The following SYNPO2 variants were observed in gnomAD, a reference collection of about 807,000 sequenced individuals.
The protein encoded by SYNPO2 is synaptopodin-2.
Under a neutral mutation model 85.0 loss-of-function variants are expected in SYNPO2, and 56 were observed. The ratio of observed to expected loss-of-function variants is 0.66; its 90% confidence interval spans 0.53 to 0.82. The LOEUF is 0.82. Ranked by LOEUF, SYNPO2 falls within the 40% of genes least tolerant of loss-of-function variation. The pLI is 0.00. For synonymous variants in SYNPO2, 602 were observed against 591.1 expected, an observed-to-expected ratio of 1.02 and a Z score of -0.27; for missense variants, 1,575 against 1,534.2, an observed-to-expected ratio of 1.03 and a Z score of -0.44.
chr4:118,906,352 C>A (rs1732937910), intron 1 of SYNPO2, among the ~76,000 whole-genome samples: 1 of 152,148 alleles, frequency 6.6e-6, no homozygotes, highest in Non-Finnish European at 1.5e-5. Flanking sequence ...AGTGGAAAGA[C>A]TGTTGATTGA....
At chr4:118,945,071 G>A (rs1408212819) in intron 1 of SYNPO2, among the ~76,000 whole-genome samples, 1 of 152,142 alleles carries the variant, frequency 6.6e-6, no homozygotes, top group Non-Finnish European at 1.5e-5. Context: ...TTATTAAATG[G>A]TAATGAAGTA....
rs770123253 is a variant in SYNPO2, at chr4:119,040,968, C to T, written c.3252+8941C>T. 6.6e-5 allele frequency among the ~76,000 whole-genome samples: 10 copies of T among 152,190 alleles called. No individual in the cohort carries two copies. The South Asian group carries it at 8.3e-4, about 13-fold the overall frequency. On this transcript the variant is annotated intron_variant, in intron 4 of 4. Coordinates refer to ENST00000307142, the MANE Select transcript of SYNPO2 (RefSeq NM_133477.3). ...TCCAAAAACAGAAAGAGTGAAACCTCGGCCTGAACAGAGCAAACTCCCAGC... is the reference window on the plus strand; with the variant it reads ...TCCAAAAACAGAAAGAGTGAAACCTTGGCCTGAACAGAGCAAACTCCCAGC...
intron 1 of SYNPO2, among the ~76,000 whole-genome samples, chr4:118,898,645 A>T (rs1732625584): frequency 1.3e-5 from 2 of 152,314 alleles, no homozygotes; most frequent in South Asian, 4.1e-4. Flanking sequence ...TCATATAGTT[A>T]GTAAATGGCA....
intron 1 of SYNPO2, among the ~76,000 whole-genome samples, chr4:118,995,764 C>A (rs56790914): frequency 0.022 from 3,402 of 152,266 alleles, 132 homozygotes; most frequent in African/African-American, 0.077. Flanking sequence ...ATGTGGCTTA[C>A]ATTTGAGGTC....
chr4:118,965,959 G>A (rs1364667170), intron 1 of SYNPO2, among the ~76,000 whole-genome samples: 6 of 151,942 alleles, frequency 3.9e-5, no homozygotes, highest in African/African-American at 1.5e-4. Flanking sequence ...GGAGACTGAG[G>A]TGGGAGGATT....
In SYNPO2 at chr4:119,057,992, T is replaced by C. The variant is rs1015952780; in HGVS notation, c.*58T>C. On this transcript the variant is annotated 3_prime_UTR_variant, in exon 5 of 5. Transcript: ENST00000307142. ...GTTTTTTAAAAAAAACGCTCCTTTG[T>C]AGGGTTTTAAACTTTTCTAATAGAT... is the stretch of plus-strand genomic sequence containing the variant. 1.3e-6 allele frequency: 2 copies of C among 1,531,918 alleles called. No homozygotes were observed. The highest frequency in any genetic ancestry group is 1.8e-6 in the Non-Finnish European group (2 of 1,141,440). 94.9% of individuals were successfully genotyped at this position (1,531,918 alleles called of 1,614,324 possible).
In SYNPO2 at chr4:119,026,939, G is replaced by A. The variant is rs145473893; in HGVS notation, c.570G>A (p.Ala190=). 1 of 1,614,132 alleles carries A rather than the reference G, an allele frequency of 6.2e-7. No individual in the cohort carries two copies. The highest frequency in any genetic ancestry group is 1.3e-5 in the African/African-American group (1 of 75,024). Residue 190 remains alanine, a synonymous_variant, in exon 3 of 5, where the codon GCG becomes GCA. Transcript: ENST00000307142. ...TGATCTTAAGGGAGAAGGTAGAAGC[G>A]GTACAGCCTGGGCCTGTGGTTGAGC... The part of the protein sequence containing the change: ...EELILREKVE[A]VQPGPVVELQ...
chr4:119,009,114 G>A (rs1737191348), intron 1 of SYNPO2, among the ~76,000 whole-genome samples: 1 of 152,158 alleles, frequency 6.6e-6, no homozygotes, highest in African/African-American at 2.4e-5. Context: ...ACATTCCATT[G>A]TACATCTAGC....
At chr4:118,970,677 C>T (rs1735506576) in intron 1 of SYNPO2, among the ~76,000 whole-genome samples, 1 of 152,144 alleles carries the variant, frequency 6.6e-6, no homozygotes, top group Non-Finnish European at 1.5e-5. Flanking sequence ...CTTGCTATAT[C>T]CAATTACTGC....
intron 4 of SYNPO2, chr4:119,037,420 A>G (rs1028254445): frequency 8.6e-7 from 1 of 1,163,578 alleles, no homozygotes; most frequent in Non-Finnish European, 1.1e-6. Context: ...AAACAGAAAA[A>G]TGTTCTTCTT....
chr4:118,862,869 G>A (rs1176063206), intron 1 of SYNPO2, among the ~76,000 whole-genome samples: 1 of 151,790 alleles, frequency 6.6e-6, no homozygotes, highest in Non-Finnish European at 1.5e-5. Context: ...AGAGTGCAGT[G>A]GCATGATCTC....
chr4:118,859,585 CA>C (rs1237850857), intron 1 of SYNPO2, among the ~76,000 whole-genome samples: 2 of 152,186 alleles, frequency 1.3e-5, no homozygotes, highest in Non-Finnish European at 2.9e-5. Flanking sequence ...CTACCCTTCC[CA>C]GCCTCTGGTA....
At chr4:118,880,553 G>C (rs1347547518) in intron 1 of SYNPO2, among the ~76,000 whole-genome samples, 6 of 151,788 alleles carry the variant, frequency 4.0e-5, no homozygotes, top group Non-Finnish European at 7.4e-5. Context: ...TTCAAGACCA[G>C]CCTGGCCAAG....
intron 4 of SYNPO2, among the ~76,000 whole-genome samples, chr4:119,051,478 A>G (rs971752270): frequency 6.6e-6 from 1 of 151,978 alleles, no homozygotes; most frequent in South Asian, 2.1e-4. Context: ...GGCGTGAGCC[A>G]CCGCGCCCGG....
At chr4:118,996,090 CCT>C (rs1736583965) in intron 1 of SYNPO2, among the ~76,000 whole-genome samples, 1 of 152,144 alleles carries the variant, frequency 6.6e-6, no homozygotes, top group African/African-American at 2.4e-5. Context: ...AACTTTTCAT[CCT>C]CTCTCTACCT....
chr4:119,031,336 T>C lies in SYNPO2; in HGVS notation c.2561T>C (p.Val854Ala). 6.2e-7 allele frequency: 1 copy of C among 1,614,178 alleles called. No individual in the cohort carries two copies. The highest frequency in any genetic ancestry group is 8.5e-7 in the Non-Finnish European group (1 of 1,180,032). ...PTVSTPTVNA[V>A]QPGAVGPSNE... ...GTTTCCACACCAACAGTCAATGCTG[T>C]TCAGCCTGGTGCAGTGGGACCATCC... The change falls in exon 4 of 5, where the codon GTT becomes GCT. Residue 854 changes from valine to alanine, a missense_variant. Val to Ala is a moderately conservative substitution (Grantham distance 64). This residue lies in a region of SYNPO2 where 1,508 missense variants were observed against 1,446.8 expected (regional missense o/e 1.04). Coordinates refer to ENST00000307142, the MANE Select transcript of SYNPO2 (RefSeq NM_133477.3).
At chr4:119,051,188 T>G (rs7698255) in intron 4 of SYNPO2, among the ~76,000 whole-genome samples, 147 of 2,938 alleles carry the variant, frequency 0.05, 11 homozygotes, top group Middle Eastern at 0.12. Flanking sequence ...GGGAAGCAAT[T>G]TTTTTTTTTT....
chr4:118,957,492 C>CT (rs955446938), intron 1 of SYNPO2, among the ~76,000 whole-genome samples: 7 of 152,024 alleles, frequency 4.6e-5, no homozygotes, highest in Non-Finnish European at 7.4e-5. Flanking sequence ...CCTCTTCAGA[C>CT]TTTTTGTTTT....
At chr4:119,040,150 C>T (rs1248678731) in intron 4 of SYNPO2, among the ~76,000 whole-genome samples, 2 of 152,232 alleles carry the variant, frequency 1.3e-5, no homozygotes, top group East Asian at 3.8e-4. Context: ...AAGTATTCAA[C>T]ACATGTTAGC....
Sources: allele counts gnomAD v4.1 joint callset (sites outside exome capture counted in the v4.1 genomes callset), GRCh38; gene constraint gnomAD v4.1.1; regional missense constraint gnomAD v4.1.1; transcripts MANE v1.5; gene names NCBI Gene and HGNC (gene_info 2026-07-23, HGNC 2026-07-21).